ZC3H12B: variants seen among roughly 807,000 people sequenced by gnomAD.
The protein encoded by ZC3H12B is probable ribonuclease ZC3H12B.
In ZC3H12B, 7 loss-of-function variants were observed where a neutral mutation model predicts 43.9. The ratio of observed to expected loss-of-function variants is 0.16; its 90% CI spans 0.09 to 0.30. The LOEUF is 0.30. ZC3H12B is among the 10% of genes least tolerant of loss of function. The pLI is 1.00. For synonymous variants in ZC3H12B, 222 were observed against 241.7 expected, an observed-to-expected ratio of 0.92 and a Z score of 0.76; for missense variants, 475 against 670.2, an observed-to-expected ratio of 0.71 and a Z score of 3.22.
chrX:65,141,049 CTT>C, the ZC3H12B span, among the ~76,000 whole-genome samples: 1 of 111,169 alleles, frequency 9.0e-6, no homozygotes, highest in Non-Finnish European at 1.9e-5. Flanking sequence ...TTTCTAGTCT[CTT>C]TTTCATTTGT....
chrX:65,164,704 A>G, the ZC3H12B span, among the ~76,000 whole-genome samples: 1 of 111,872 alleles, frequency 8.9e-6, no homozygotes, highest in African/African-American at 3.2e-5. Context: ...TACTGTCATA[A>G]TTTTTGAAAA....
At chrX:65,248,067 G>T in the ZC3H12B span, among the ~76,000 whole-genome samples, 1 of 110,907 alleles carries the variant, frequency 9.0e-6, no homozygotes, top group Non-Finnish European at 1.9e-5. Flanking sequence ...TTTTGTGGTG[G>T]AGTCTCGCTC....
the ZC3H12B span, among the ~76,000 whole-genome samples, chrX:65,155,395 A>T: frequency 2.7e-5 from 3 of 111,697 alleles, no homozygotes; most frequent in African/African-American, 9.8e-5. Context: ...GATTTTTCAA[A>T]GTAACACTAT....
chrX:65,172,628 C>T, the ZC3H12B span, among the ~76,000 whole-genome samples: 6 of 112,256 alleles, frequency 5.3e-5, 1 homozygote, highest in African/African-American at 1.9e-4. Context: ...GGTCCAGTTT[C>T]TGTTTTCTGC....
At chrX:65,204,930 C>G in the ZC3H12B span, among the ~76,000 whole-genome samples, 15 of 111,789 alleles carry the variant, frequency 1.3e-4, no homozygotes, top group African/African-American at 4.9e-4. Context: ...TGGGAAGGAG[C>G]AAGATCTTAT....
the ZC3H12B span, among the ~76,000 whole-genome samples, chrX:65,352,088 C>A: frequency 8.9e-6 from 1 of 112,184 alleles, no homozygotes; most frequent in Non-Finnish European, 1.9e-5. Context: ...CAATAATAGA[C>A]TGGATAAAGA....
the ZC3H12B span, among the ~76,000 whole-genome samples, chrX:65,294,017 T>A: frequency 2.7e-5 from 3 of 111,376 alleles, no homozygotes; most frequent in Non-Finnish European, 5.7e-5. Context: ...CCCAGGAAAT[T>A]TATTGCCAAA....
the ZC3H12B span, among the ~76,000 whole-genome samples, chrX:65,088,108 A>T: frequency 8.9e-6 from 1 of 111,897 alleles, no homozygotes. Context: ...TGGGATGGTG[A>T]CGGTGATAGT....
At chrX:65,311,850 T>G in the ZC3H12B span, among the ~76,000 whole-genome samples, 5 of 111,233 alleles carry the variant, frequency 4.5e-5, no homozygotes, top group East Asian at 2.8e-4. Context: ...TGCAGGGACA[T>G]GGATGCAGCT....
Position 65,409,480 on chromosome X carries a change from C to A in ZC3H12B, n.407+10776C>A, listed in dbSNP as rs183923794. Among the ~76,000 whole-genome samples the A allele has an allele frequency of 9.3e-5, 10 of 108,058 alleles. No individual in the cohort carries two copies. In the East Asian group the frequency reaches 2.9e-3, roughly 32 times the overall value. The allele number at this position is 108,058 out of a possible 115,157, so 93.8% of individuals were successfully genotyped here. A position where few individuals can be genotyped will look rare whatever the true frequency, so the allele number is the denominator to read the frequency against. On this transcript the variant is annotated intron_variant and non_coding_transcript_variant, in intron 3 of 5. Coordinates refer to the ZC3H12B transcript ENST00000617377. ...ACAAGAAAAAGAAATAAATGGCAAC[C>A]AACTTGGAATGAAAGAAGTAGTATT...
At chrX:65,352,225 C>A in the ZC3H12B span, among the ~76,000 whole-genome samples, 9 of 111,625 alleles carry the variant, frequency 8.1e-5, no homozygotes, top group Non-Finnish European at 1.7e-4. Flanking sequence ...ATCAGAAAAC[C>A]AAACACTGCA....
chrX:65,374,445 T>TA (rs1275000960), intron 2 of ZC3H12B, among the ~76,000 whole-genome samples: 39 of 99,863 alleles, frequency 3.9e-4, no homozygotes, highest in Non-Finnish European at 5.7e-4. Context: ...ATTTTTAAAG[T>TA]AAAAAAAAAA....
chrX:65,051,537 G>A, the ZC3H12B span, among the ~76,000 whole-genome samples: 4 of 111,153 alleles, frequency 3.6e-5, no homozygotes, highest in Admixed American at 1.9e-4. Context: ...ATGAAAAGGG[G>A]CATTTCACCT....
the ZC3H12B span, among the ~76,000 whole-genome samples, chrX:65,292,401 C>T: frequency 1.8e-5 from 2 of 111,392 alleles, no homozygotes; most frequent in Non-Finnish European, 3.8e-5. Flanking sequence ...ACGGCATGTT[C>T]TCACTATAAG....
chrX:65,418,355 T>A (rs1281156914), intron 3 of ZC3H12B, among the ~76,000 whole-genome samples: 1 of 112,005 alleles, frequency 8.9e-6, no homozygotes, highest in Non-Finnish European at 1.9e-5. Flanking sequence ...TAATGGATAA[T>A]TTTAAATACA....
At chrX:65,326,332 A>T in the ZC3H12B span, among the ~76,000 whole-genome samples, 1 of 111,598 alleles carries the variant, frequency 9.0e-6, no homozygotes, top group African/African-American at 3.2e-5. Context: ...GAAAACAAAC[A>T]ATTCAATTAA....
At chrX:65,178,418 C>G in the ZC3H12B span, among the ~76,000 whole-genome samples, 16 of 112,086 alleles carry the variant, frequency 1.4e-4, no homozygotes, top group Non-Finnish European at 2.4e-4. Context: ...CAAATGGGAT[C>G]TAATTAAACT....
exon 5 of ZC3H12B, chrX:65,502,109 G>A (rs2068374640): frequency 8.3e-7 from 1 of 1,210,794 alleles, no homozygotes; most frequent in Non-Finnish European, 1.1e-6. Flanking sequence ...TGCCCTAAGT[G>A]TTCCCACAAT....
chrX:65,168,409 T>C, the ZC3H12B span, among the ~76,000 whole-genome samples: 1 of 111,887 alleles, frequency 8.9e-6, no homozygotes, highest in Non-Finnish European at 1.9e-5. Flanking sequence ...GTGGATAAGC[T>C]TTTTGATATG....
Sources: gnomAD v4.1 joint callset for allele counts (sites outside exome capture counted in the v4.1 genomes callset) on GRCh38, gnomAD v4.1.1 for gene constraint, MANE v1.5 for transcripts, NCBI Gene and HGNC (gene_info 2026-07-23, HGNC 2026-07-21) for gene names.